ELP4: variants seen among roughly 807,000 people sequenced by gnomAD.
ELP4 encodes the protein elongator acetyltransferase complex subunit 4.
ELP4 carries 51 observed loss-of-function variants against 48.9 expected under a neutral mutation model. The observed-to-expected ratio is 1.04, with a 90% CI of 0.83 to 1.32. The LOEUF (loss-of-function observed/expected upper bound fraction) is 1.32, where lower values mean the gene tolerates loss of function less well. Ranked by LOEUF, ELP4 falls within the 40% of genes most tolerant of loss-of-function variation. The probability of loss-of-function intolerance (pLI) is 0.00; values close to 1 mark genes in which losing one functional copy is unlikely to be tolerated. For missense variants in ELP4, 519 were observed against 514.6 expected, an observed-to-expected ratio of 1.01 and a Z score of -0.08; for synonymous variants, 210 against 189.2, an observed-to-expected ratio of 1.11 and a Z score of -0.90.
intron 9 of ELP4, among the ~76,000 whole-genome samples, chr11:31,697,680 AG>A (rs770495333): frequency 9.8e-5 from 15 of 152,292 alleles, no homozygotes; most frequent in South Asian, 8.3e-4. Context: ...CCACGTAGTC[AG>A]GGTGGAATTA....
chr11:31,685,255 G>A (rs1946136924), intron 9 of ELP4, among the ~76,000 whole-genome samples: 1 of 152,102 alleles, frequency 6.6e-6, no homozygotes, highest in Non-Finnish European at 1.5e-5. Context: ...GGAGGCTGAG[G>A]CAAGGGAATC....
chr11:31,693,099 C>G (rs1001821999), intron 9 of ELP4, among the ~76,000 whole-genome samples: 1 of 152,114 alleles, frequency 6.6e-6, no homozygotes, highest in African/African-American at 2.4e-5. Flanking sequence ...GACGTAGACT[C>G]TCCACTGCCC....
chr11:31,615,619 C>G (rs911317307), intron 5 of ELP4, among the ~76,000 whole-genome samples: 2 of 151,772 alleles, frequency 1.3e-5, no homozygotes, highest in African/African-American at 4.8e-5. Context: ...CCCTATCCCA[C>G]TTTTTCATTT....
intron 3 of ELP4, among the ~76,000 whole-genome samples, chr11:31,584,960 CCTCTA>C: frequency 6.6e-6 from 1 of 152,178 alleles, no homozygotes; most frequent in East Asian, 1.9e-4. Context: ...AGTATTTATT[CCTCTA>C]CTCTTCACAT....
chr11:31,679,038 A>G (rs776151250), intron 9 of ELP4, among the ~76,000 whole-genome samples: 1 of 152,144 alleles, frequency 6.6e-6, no homozygotes, highest in African/African-American at 2.4e-5. Context: ...TTCTTTTTAT[A>G]TGTTTTTTTG....
intron 9 of ELP4, among the ~76,000 whole-genome samples, chr11:31,753,227 G>A (rs552185118): frequency 1.7e-4 from 26 of 152,292 alleles, no homozygotes; most frequent in African/African-American, 5.8e-4. Flanking sequence ...AAATCACTCT[G>A]TAGAAAAGCT....
At chr11:31,627,272 C>G (rs557067977) in intron 6 of ELP4, 78 bp downstream of exon 6, 1 of 612,522 alleles carries the variant, frequency 1.6e-6, no homozygotes, top group South Asian at 2.5e-5. Context: ...GGGGCGGGAA[C>G]CCAGAAGTTT....
At chr11:31,584,209 T>C (rs190066879) in intron 3 of ELP4, among the ~76,000 whole-genome samples, 187 of 152,056 alleles carry the variant, frequency 1.2e-3, no homozygotes, top group African/African-American at 4.4e-3. Context: ...ATTTATAATA[T>C]TTTATTAAAA....
At chr11:31,548,172 A>G (rs545173163) in intron 3 of ELP4, among the ~76,000 whole-genome samples, 16 of 152,326 alleles carry the variant, frequency 1.1e-4, no homozygotes, top group South Asian at 1.0e-3. Flanking sequence ...AGGGTATTCA[A>G]TTAGGAAAAG....
At chr11:31,701,653 C>A (rs1003250792) in intron 9 of ELP4, among the ~76,000 whole-genome samples, 1 of 150,750 alleles carries the variant, frequency 6.6e-6, no homozygotes, top group Non-Finnish European at 1.5e-5. Flanking sequence ...CCTGTATTTT[C>A]AGTTAATTAA....
At chr11:31,752,234 T>C (rs571182136) in intron 9 of ELP4, among the ~76,000 whole-genome samples, 1 of 152,208 alleles carries the variant, frequency 6.6e-6, no homozygotes, top group Non-Finnish European at 1.5e-5. Flanking sequence ...AACATCACAA[T>C]GTAGAAATGT....
At chr11:31,570,790 CTTTTTTTTTTTTT>C (rs1183889559) in intron 3 of ELP4, among the ~76,000 whole-genome samples, 1 of 86,038 alleles carries the variant, frequency 1.2e-5, no homozygotes, top group Non-Finnish European at 2.0e-5. Flanking sequence ...ACTGTAAACT[CTTTTTTTTTTTTT>C]TTTTTTTTTT....
chr11:31,671,376 A>G (rs1945803683), intron 9 of ELP4, among the ~76,000 whole-genome samples: 1 of 152,200 alleles, frequency 6.6e-6, no homozygotes, highest in African/African-American at 2.4e-5. Context: ...ATTAGAAAGT[A>G]TTTAAGGTTT....
intron 3 of ELP4, among the ~76,000 whole-genome samples, chr11:31,584,522 TTTG>T (rs747063838): frequency 1.5e-3 from 224 of 152,044 alleles, no homozygotes; most frequent in Middle Eastern, 6.8e-3. Context: ...TTTGTTTTGT[TTTG>T]TTGTTGTTGT....
At chr11:31,648,716 GC>G (rs1196716081) in intron 8 of ELP4, 1 of 151,414 alleles carries the variant, frequency 6.6e-6, no homozygotes, top group African/African-American at 2.4e-5. Flanking sequence ...ATGAGCTTAT[GC>G]ATTTTGTAAA....
At chr11:31,744,492 A>G (rs543359334) in intron 9 of ELP4, among the ~76,000 whole-genome samples, 89 of 152,336 alleles carry the variant, frequency 5.8e-4, no homozygotes, top group African/African-American at 2.1e-3. Flanking sequence ...AATCCTCAAT[A>G]AAATACTGGC....
At chr11:31,618,994 AC>A (rs1413485786) in intron 5 of ELP4, among the ~76,000 whole-genome samples, 1 of 152,028 alleles carries the variant, frequency 6.6e-6, no homozygotes, top group Admixed American at 6.6e-5. Context: ...GGGGGTGGTC[AC>A]ATACTACTTG....
intron 1 of ELP4, among the ~76,000 whole-genome samples, chr11:31,514,278 G>A (rs1956066237): frequency 6.6e-6 from 1 of 152,114 alleles, no homozygotes; most frequent in South Asian, 2.1e-4. Context: ...GGGCAACATA[G>A]AGAGACCCTG....
intron 1 of ELP4, among the ~76,000 whole-genome samples, chr11:31,518,405 C>T (rs1422068403): frequency 6.6e-6 from 1 of 151,846 alleles, no homozygotes; most frequent in East Asian, 1.9e-4. Flanking sequence ...TGCACCTAGC[C>T]ATAAAATTAA....
Sources: allele counts gnomAD v4.1 joint callset (sites outside exome capture counted in the v4.1 genomes callset), GRCh38; gene constraint gnomAD v4.1.1; transcripts MANE v1.5; gene names NCBI Gene and HGNC (gene_info 2026-07-23, HGNC 2026-07-21).